DPP6: variants seen among roughly 807,000 people sequenced by gnomAD.
The protein encoded by DPP6 is A-type potassium channel modulatory protein DPP6.
DPP6 carries 69 observed loss-of-function variants against 122.6 expected under a neutral mutation model. That is an observed-to-expected ratio of 0.56 (90% confidence interval 0.46 to 0.69). DPP6 has a LOEUF of 0.69. DPP6 is among the 30% of genes least tolerant of loss of function. The probability of loss-of-function intolerance (pLI) is 0.00; values close to 1 mark genes in which losing one functional copy is unlikely to be tolerated. For synonymous variants in DPP6, 418 were observed against 433.1 expected, an observed-to-expected ratio of 0.97 and a Z score of 0.43; for missense variants, 928 against 1,116.9, an observed-to-expected ratio of 0.83 and a Z score of 2.41.
In DPP6 at chr7:154,872,619, C is replaced by A; in HGVS notation, c.1814-5C>A. 6.3e-7 allele frequency: 1 copy of A among 1,597,304 alleles called. No individual in the cohort carries two copies. The highest frequency in any genetic ancestry group is 1.3e-5 in the African/African-American group (1 of 74,658). On this transcript the variant is annotated splice_polypyrimidine_tract_variant and splice_region_variant and intron_variant, in intron 18 of 25. Transcript: ENST00000377770. Reference sequence around the variant, plus strand: ...TAACCCGTGCTGTGCTCTGCTTCTCCCCAGACCTGCCCATGCAGATACTGA... The same window carrying A: ...TAACCCGTGCTGTGCTCTGCTTCTCACCAGACCTGCCCATGCAGATACTGA...
At chr7:154,575,441 G>GTGGT (rs1563879582) in intron 5 of DPP6, among the ~76,000 whole-genome samples, 1 of 37,954 alleles carries the variant, frequency 2.6e-5, no homozygotes, top group South Asian at 8.8e-4. Context: ...GTATGTGTGT[G>GTGGT]GTGTGTGTAT....
At chr7:153,935,526 C>G (rs2129014845) in intron 1 of DPP6, among the ~76,000 whole-genome samples, 2 of 152,284 alleles carry the variant, frequency 1.3e-5, no homozygotes, top group Middle Eastern at 6.8e-3. Flanking sequence ...CCCCGTTGGC[C>G]CCTCTCGATT....
At chr7:154,386,763 G>A (rs1814147687) in intron 1 of DPP6, among the ~76,000 whole-genome samples, 1 of 152,202 alleles carries the variant, frequency 6.6e-6, no homozygotes, top group Non-Finnish European at 1.5e-5. Flanking sequence ...AACAAAAGTA[G>A]CGTTAGCTGG....
At position 154,359,199 on chromosome 7, in the gene DPP6, G is replaced by A. The variant is rs114497958; in HGVS notation, c.244-87015G>A. 1.9e-3 allele frequency among the ~76,000 whole-genome samples: 293 copies of A among 152,294 alleles called. 1 individual carries two copies. Among genetic ancestry groups the A allele is most frequent in the African/African-American group, 6.5e-3 (269 of 41,558 alleles). On this transcript the variant is annotated intron_variant, in intron 1 of 25. Coordinates refer to ENST00000377770, the MANE Select transcript of DPP6 (RefSeq NM_130797.4). ...GTGCACTCTGGGACAAGCCCCCTGC[G>A]TGCTGGGTGTTTCGGGTGGTCTGTC...
At position 154,515,106 on chromosome 7, in the gene DPP6, A is replaced by C. The variant is rs540488123; in HGVS notation, c.458-25426A>C. On this transcript the variant is annotated intron_variant, in intron 3 of 25. Coordinates refer to ENST00000377770, the MANE Select transcript of DPP6 (RefSeq NM_130797.4). ...ATGTACAAAAGAACAAGCAATATAC[A>C]CTTGTCTCTCTTCAATGGAAATAGA... Among the ~76,000 whole-genome samples the C allele has an allele frequency of 7.9e-5, 12 of 152,328 alleles. No individual in the cohort carries two copies. The East Asian group carries it at 2.1e-3, about 27-fold the overall frequency.
At chr7:154,470,313 TAATA>T (rs764410524) in intron 2 of DPP6, among the ~76,000 whole-genome samples, 1 of 152,246 alleles carries the variant, frequency 6.6e-6, no homozygotes, top group Non-Finnish European at 1.5e-5. Context: ...TCAGGAGAGA[TAATA>T]AATATCATTG....
intron 16 of DPP6, among the ~76,000 whole-genome samples, chr7:154,837,352 ACATGCATG>A (rs2150538959): frequency 6.6e-6 from 1 of 151,854 alleles, no homozygotes; most frequent in South Asian, 2.1e-4. Flanking sequence ...ACACATGCAC[ACATGCATG>A]CATACAGGCA....
chr7:154,793,911 G>T, intron 10 of DPP6, 168 bp from the exon 11 acceptor site: 1 of 1,131,090 alleles, frequency 8.8e-7, no homozygotes, highest in South Asian at 1.8e-5. Flanking sequence ...TCCCGCGCCA[G>T]TGCAGATTCT....
the DPP6 span, among the ~76,000 whole-genome samples, chr7:153,879,624 A>T: frequency 6.6e-6 from 1 of 152,178 alleles, no homozygotes; most frequent in African/African-American, 2.4e-5. Flanking sequence ...TCCTGACCTC[A>T]GGTGAACCAC....
chr7:154,314,757 T>C (rs760161901), intron 1 of DPP6, among the ~76,000 whole-genome samples: 6 of 152,200 alleles, frequency 3.9e-5, no homozygotes, highest in Non-Finnish European at 7.3e-5. Context: ...TCCTTTTTTT[T>C]TTCCTCCAAA....
chr7:154,246,561 G>C (rs1384123179), intron 1 of DPP6, among the ~76,000 whole-genome samples: 1 of 152,142 alleles, frequency 6.6e-6, no homozygotes, highest in African/African-American at 2.4e-5. Context: ...TAGGAATTAA[G>C]TGATCCTAGA....
intron 6 of DPP6, among the ~76,000 whole-genome samples, chr7:154,658,827 G>C (rs545090335): frequency 7.2e-5 from 11 of 152,348 alleles, no homozygotes; most frequent in African/African-American, 2.4e-4. Flanking sequence ...GATGGGAATG[G>C]TTAGTGGTCA....
At chr7:154,443,435 C>A (rs903135100) in intron 1 of DPP6, among the ~76,000 whole-genome samples, 2 of 152,158 alleles carry the variant, frequency 1.3e-5, no homozygotes, top group Non-Finnish European at 2.9e-5. Flanking sequence ...ATTCAAGGTT[C>A]TCAAAACCTA....
At chr7:154,256,158 G>A (rs980552507) in intron 1 of DPP6, among the ~76,000 whole-genome samples, 1 of 152,170 alleles carries the variant, frequency 6.6e-6, no homozygotes, top group Non-Finnish European at 1.5e-5. Context: ...ACTATAAGAG[G>A]AGAAACCACT....
chr7:154,740,917 T>C (rs1842789748), intron 8 of DPP6, among the ~76,000 whole-genome samples: 2 of 152,274 alleles, frequency 1.3e-5, no homozygotes, highest in Admixed American at 1.3e-4. Flanking sequence ...TCTCCTTTAC[T>C]CCCCATTTTT....
rs1800245750 is a variant in DPP6 at position 154,220,545 on chromosome 7, C to T, written c.243+167482C>T. Among the ~76,000 whole-genome samples the T allele has an allele frequency of 2.0e-5, 3 of 152,104 alleles. No individual in the cohort carries two copies. The South Asian group carries it at 6.2e-4, about 32-fold the overall frequency. On this transcript the variant is annotated intron_variant, in intron 1 of 25. Coordinates refer to ENST00000377770, the MANE Select transcript of DPP6 (RefSeq NM_130797.4). Reference sequence around the variant, plus strand: ...ACATGGATGTACCTTTATAACAAACCTGCCCATGTGCCCCGAGCCTAAATT... The same window carrying T: ...ACATGGATGTACCTTTATAACAAACTTGCCCATGTGCCCCGAGCCTAAATT...
intron 1 of DPP6, chr7:154,058,650 T>G (rs1164450375): frequency 6.7e-6 from 1 of 148,760 alleles, no homozygotes; most frequent in Non-Finnish European, 1.5e-5. Context: ...CCTAAGATCC[T>G]TAGGACCCAC....
intron 1 of DPP6, among the ~76,000 whole-genome samples, chr7:153,995,410 C>T (rs1272923724): frequency 6.6e-6 from 1 of 152,040 alleles, no homozygotes; most frequent in African/African-American, 2.4e-5. Context: ...CACGGTGAAA[C>T]CCCGTCTCTA....
intron 1 of DPP6, among the ~76,000 whole-genome samples, chr7:153,922,985 T>C (rs1252613336): frequency 6.6e-6 from 1 of 152,234 alleles, no homozygotes; most frequent in Admixed American, 6.5e-5. Context: ...TTGATCATTT[T>C]TAATAAACCC....
Sources: gnomAD v4.1 joint callset for allele counts (sites outside exome capture counted in the v4.1 genomes callset) on GRCh38, gnomAD v4.1.1 for gene constraint, MANE v1.5 for transcripts, NCBI Gene and HGNC (gene_info 2026-07-23, HGNC 2026-07-21) for gene names.